The following RNF150 variants were observed in gnomAD, a reference collection of about 807,000 sequenced individuals.
The protein encoded by RNF150 is ring finger protein 150.
A neutral mutation model predicts 39.3 loss-of-function variants in RNF150; 24 were observed. That is an observed-to-expected ratio of 0.61 (90% CI 0.44 to 0.86). The LOEUF is 0.86. RNF150 is among the 40% of genes least tolerant of loss of function. RNF150 has a pLI of 0.00. For missense variants in RNF150, 502 were observed against 587.8 expected, an observed-to-expected ratio of 0.85 and a Z score of 1.51; for synonymous variants, 255 against 227.3, an observed-to-expected ratio of 1.12 and a Z score of -1.10.
intron 1 of RNF150, among the ~76,000 whole-genome samples, chr4:140,980,501 G>T (rs1324613953): frequency 2.0e-5 from 3 of 152,088 alleles, no homozygotes; most frequent in Admixed American, 6.6e-5. Flanking sequence ...GATATGGTTT[G>T]GCTGTGTCCC....
intron 1 of RNF150, among the ~76,000 whole-genome samples, chr4:141,089,217 C>T (rs189095541): frequency 6.6e-6 from 1 of 152,082 alleles, no homozygotes; most frequent in East Asian, 1.9e-4. Flanking sequence ...GCTCTTCCAC[C>T]ATGGGATTTG....
At chr4:140,921,890 C>T (rs1731169415) in intron 5 of RNF150, among the ~76,000 whole-genome samples, 1 of 151,926 alleles carries the variant, frequency 6.6e-6, no homozygotes, top group Non-Finnish European at 1.5e-5. Context: ...TGAATAGATG[C>T]AGAAAAGGCC....
rs1291476918 is a variant in RNF150, at chr4:140,868,130, A to G, written c.*131T>C. ...ACTTTGGATATTGCTTTTCGTCAGC[A>G]TTCTTGAACGGAGCGCCCTGGAGTT... On this transcript the variant is annotated 3_prime_UTR_variant, in exon 7 of 7. Transcript: ENST00000515673. 5 of 635,734 alleles carry G rather than the reference A, an allele frequency of 7.9e-6. No homozygotes were observed. Among genetic ancestry groups the G allele is most frequent in the Non-Finnish European group, 1.4e-5 (5 of 351,394 alleles). The allele number at this position is 635,734 out of a possible 1,614,324, so 39.4% of individuals were successfully genotyped here. A position where few individuals can be genotyped will look rare whatever the true frequency, so the allele number is the denominator to read the frequency against.
chr4:141,192,706 A>G (rs1395828017), intron 1 of RNF150, among the ~76,000 whole-genome samples: 1 of 152,210 alleles, frequency 6.6e-6, no homozygotes, highest in Non-Finnish European at 1.5e-5. Flanking sequence ...CAAAAGTCCT[A>G]TCACCAACAA....
At position 141,197,042 on chromosome 4, in the gene RNF150, G is replaced by A. The variant is rs559532460; in HGVS notation, c.-6+15752C>T. Among the ~76,000 whole-genome samples, 272 of 151,736 alleles carry A rather than the reference G, an allele frequency of 1.8e-3. 2 individuals carry two copies. The highest frequency in any genetic ancestry group is 6.3e-3 in the African/African-American group (261 of 41,400). ...TGATGTCAAGATCTGGATTAATTTTGTCCCAAAAAAAAGTGTTTTAACAAT... is the reference window on the plus strand; with the variant it reads ...TGATGTCAAGATCTGGATTAATTTTATCCCAAAAAAAAGTGTTTTAACAAT... On this transcript the variant is annotated intron_variant, in intron 1 of 7. Coordinates refer to the RNF150 transcript ENST00000420921.
intron 1 of RNF150, among the ~76,000 whole-genome samples, chr4:141,067,610 A>G (rs1426547581): frequency 4.6e-5 from 7 of 152,168 alleles, no homozygotes; most frequent in African/African-American, 1.4e-4. Context: ...ATTGTTGAGG[A>G]AGAAAAATCT....
At chr4:141,036,937 G>A (rs1736170190) in intron 1 of RNF150, among the ~76,000 whole-genome samples, 1 of 152,176 alleles carries the variant, frequency 6.6e-6, no homozygotes, top group Non-Finnish European at 1.5e-5. Flanking sequence ...GTCATGGACT[G>A]TTGATGTGAA....
At chr4:140,995,149 C>T (rs1291139058) in intron 1 of RNF150, among the ~76,000 whole-genome samples, 1 of 152,164 alleles carries the variant, frequency 6.6e-6, no homozygotes, top group Non-Finnish European at 1.5e-5. Context: ...TCTTTCCAGC[C>T]TCTGGTAACC....
intron 4 of RNF150, among the ~76,000 whole-genome samples, chr4:140,945,114 A>G (rs1262218500): frequency 1.3e-5 from 2 of 152,218 alleles, no homozygotes; most frequent in Non-Finnish European, 2.9e-5. Flanking sequence ...CAGGGTTCAT[A>G]GTATGGAAAT....
chr4:141,035,145 G>A lies in RNF150; in HGVS notation c.485-67272C>T, dbSNP rs138483152. 1.4e-3 allele frequency among the ~76,000 whole-genome samples: 213 copies of A among 152,266 alleles called. 2 individuals carry two copies. Among genetic ancestry groups the A allele is most frequent in the African/African-American group, 4.6e-3 (190 of 41,548 alleles). On this transcript the variant is annotated intron_variant, in intron 1 of 6. Transcript: ENST00000515673. ...AGCCATAGCTCCAACAAGTTTTAACGACTTCAAAGGCATTAGGCATTCTTC... is the reference window on the plus strand; with the variant it reads ...AGCCATAGCTCCAACAAGTTTTAACAACTTCAAAGGCATTAGGCATTCTTC...
chr4:140,890,460 T>G (rs1425448), intron 6 of RNF150, among the ~76,000 whole-genome samples: 27,039 of 152,156 alleles, frequency 0.18, 2,989 homozygotes, highest in Middle Eastern at 0.31. Context: ...AATTCATATG[T>G]TGAAAGCTTA....
At chr4:140,936,942 T>C (rs192109907) in intron 4 of RNF150, among the ~76,000 whole-genome samples, 124 of 152,266 alleles carry the variant, frequency 8.1e-4, no homozygotes, top group African/African-American at 2.9e-3. Context: ...CTTTAAAAAT[T>C]TACTACTCCA....
intron 1 of RNF150, among the ~76,000 whole-genome samples, chr4:141,048,374 C>A (rs1258882883): frequency 1.3e-5 from 2 of 152,122 alleles, no homozygotes; most frequent in Non-Finnish European, 2.9e-5. Flanking sequence ...CAGCCATGGA[C>A]CACTGGGAAA....
intron 2 of RNF150, among the ~76,000 whole-genome samples, chr4:140,954,858 A>C (rs552267212): frequency 6.6e-6 from 1 of 152,240 alleles, no homozygotes; most frequent in Admixed American, 6.5e-5. Flanking sequence ...AATTTGGAAC[A>C]TAAGGATTCC....
At chr4:140,934,096 C>T (rs942401798) in intron 4 of RNF150, among the ~76,000 whole-genome samples, 4 of 152,162 alleles carry the variant, frequency 2.6e-5, no homozygotes, top group Non-Finnish European at 5.9e-5. Context: ...CTGCCACCTC[C>T]GCCTCCCAGG....
At chr4:141,000,777 T>C (rs1734634358) in intron 1 of RNF150, among the ~76,000 whole-genome samples, 1 of 152,294 alleles carries the variant, frequency 6.6e-6, no homozygotes, top group South Asian at 2.1e-4. Context: ...TCAATGTGGA[T>C]TTTGTTGGGA....
chr4:141,063,492 T>A (rs1737320736), intron 1 of RNF150, among the ~76,000 whole-genome samples: 1 of 152,182 alleles, frequency 6.6e-6, no homozygotes, highest in South Asian at 2.1e-4. Context: ...TATGATACAG[T>A]CTCAGAAGTT....
intron 1 of RNF150, among the ~76,000 whole-genome samples, chr4:140,973,871 G>C (rs967844636): frequency 2.1e-5 from 2 of 96,746 alleles, no homozygotes; most frequent in Non-Finnish European, 4.0e-5. Context: ...GTGAGACTCT[G>C]TTTAAAAAAA....
intron 1 of RNF150, among the ~76,000 whole-genome samples, chr4:141,078,387 T>A (rs1297138595): frequency 6.6e-6 from 1 of 152,284 alleles, no homozygotes; most frequent in East Asian, 1.9e-4. Context: ...TTTACATGCT[T>A]CTCTGTTTTG....
Sources: allele counts gnomAD v4.1 joint callset (sites outside exome capture counted in the v4.1 genomes callset), GRCh38; gene constraint gnomAD v4.1.1; transcripts MANE v1.5; gene names NCBI Gene and HGNC (gene_info 2026-07-23, HGNC 2026-07-21).